The following GBF1 variants were observed in gnomAD, a reference collection of about 807,000 sequenced individuals.
GBF1 encodes golgi brefeldin A resistant guanine nucleotide exchange factor 1.
A neutral mutation model predicts 210.5 loss-of-function variants in GBF1; 114 were observed. That is an observed-to-expected ratio of 0.54 (90% CI 0.47 to 0.63). The LOEUF (loss-of-function observed/expected upper bound fraction) is 0.63, where lower values mean the gene tolerates loss of function less well. Among genes scored for constraint, GBF1 ranks in the 30% least tolerant of loss-of-function variants. GBF1 has a pLI of 0.00. For synonymous variants in GBF1, 850 were observed against 889.2 expected, an observed-to-expected ratio of 0.96 and a Z score of 0.78; for missense variants, 1,851 against 2,357.7, an observed-to-expected ratio of 0.79 and a Z score of 4.45.
At chr10:102,291,161 C>T (rs2076401195) in intron 3 of GBF1, among the ~76,000 whole-genome samples, 1 of 151,760 alleles carries the variant, frequency 6.6e-6, no homozygotes, top group African/African-American at 2.4e-5. Context: ...TTACTATGAG[C>T]TATTCACTGC....
At chr10:102,231,093 G>C in the GBF1 span, 1 of 1,554,220 alleles carries the variant, frequency 6.4e-7, no homozygotes, top group Non-Finnish European at 8.7e-7. Context: ...GCCGGTTCTT[G>C]AACCACACCT....
In GBF1 at chr10:102,280,130, AAGAG is replaced by A. The variant is rs57985048; in HGVS notation, c.163+20034_163+20037del. 2.1e-3 allele frequency among the ~76,000 whole-genome samples: 310 copies of A among 150,112 alleles called. 1 individual carries two copies. The highest frequency in any genetic ancestry group is 3.6e-3 in the African/African-American group (146 of 40,930). ...CAGAGGAGTCCCTGTCTTAAAAAAA[AAGAG>A]AGAGAGAGAGAGAGAGAGAAATAAG... On this transcript the variant is annotated intron_variant, in intron 3 of 39. Coordinates refer to ENST00000369983, the MANE Select transcript of GBF1 (RefSeq NM_001377137.1).
intron 17 of GBF1, among the ~76,000 whole-genome samples, chr10:102,364,587 G>T (rs574383143): frequency 2.0e-5 from 3 of 150,754 alleles, no homozygotes; most frequent in Non-Finnish European, 4.4e-5. Flanking sequence ...AGTGGCTCAC[G>T]CCTGTAATCC....
intron 3 of GBF1, among the ~76,000 whole-genome samples, chr10:102,311,542 A>G (rs777372196): frequency 2.6e-5 from 4 of 152,216 alleles, no homozygotes; most frequent in Non-Finnish European, 5.9e-5. Flanking sequence ...TTGTCTTTTG[A>G]GAAGCAAGGC....
intron 3 of GBF1, among the ~76,000 whole-genome samples, chr10:102,333,781 A>G (rs960453628): frequency 1.3e-5 from 2 of 152,132 alleles, no homozygotes; most frequent in Non-Finnish European, 2.9e-5. Flanking sequence ...GCTTCTTCCT[A>G]CGGAGCTTAC....
Position 102,351,300 on chromosome 10 carries a change from G to C in GBF1, c.340G>C (p.Asp114His). The change falls in exon 5 of 40, where the codon GAT becomes CAT. Residue 114 changes from aspartate (D) to histidine (H), a missense_variant. Asp to His is a moderately conservative substitution (Grantham distance 81). Around this residue, in one of 3 missense-constraint regions of GBF1, gnomAD observed 804 missense variants for 958.6 expected, o/e 0.84. Coordinates refer to ENST00000369983, the MANE Select transcript of GBF1 (RefSeq NM_001377137.1). ...AGCAGAGGGCATGGAGAACATGGCA[G>C]ATGCTGTCACCCATGCTCGTTTTGT... ...GTAEGMENMA[D>H]AVTHARFVGT... The C allele has an allele frequency of 6.2e-7, 1 of 1,611,606 alleles. No individual in the cohort carries two copies. The highest frequency in any genetic ancestry group is 2.2e-5 in the East Asian group (1 of 44,878).
chr10:102,269,515 T>G (rs1284332592), intron 3 of GBF1, among the ~76,000 whole-genome samples: 2 of 152,112 alleles, frequency 1.3e-5, no homozygotes, highest in African/African-American at 4.8e-5. Flanking sequence ...TCAAAAGCAC[T>G]TCAGTGTTAT....
chr10:102,310,675 A>C (rs757476343), intron 3 of GBF1, among the ~76,000 whole-genome samples: 7 of 152,194 alleles, frequency 4.6e-5, no homozygotes, highest in African/African-American at 1.2e-4. Flanking sequence ...CCCCCAAGCC[A>C]CATTTGAGCA....
rs2060787862 is a variant in GBF1, at chr10:102,380,670, G to A, written c.5157G>A (p.Lys1719=). 2 of 1,611,310 alleles carry A rather than the reference G, an allele frequency of 1.2e-6. No individual in the cohort carries two copies. Among genetic ancestry groups the A allele is most frequent in the Non-Finnish European group, 1.7e-6 (2 of 1,178,426 alleles). ...FLPHLRDELF[K]QTVIQDPMPM... ...CTCACCTACGAGATGAACTCTTCAA[G>A]CAGACCGTCATCCAGGGTAGGGGGC... is the stretch of plus-strand genomic sequence containing the variant. Residue 1719 remains lysine (K), a synonymous_variant, in exon 38 of 40, where the codon AAG becomes AAA. Transcript: ENST00000369983.
chr10:102,263,385 T>G (rs1275584377), intron 3 of GBF1, among the ~76,000 whole-genome samples: 2 of 152,172 alleles, frequency 1.3e-5, no homozygotes, highest in African/African-American at 2.4e-5. Flanking sequence ...ATAGCAGGAA[T>G]TCTAGGACTT....
chr10:102,262,428 T>C (rs1322101009), intron 3 of GBF1, among the ~76,000 whole-genome samples: 2 of 152,236 alleles, frequency 1.3e-5, no homozygotes, highest in South Asian at 2.1e-4. Context: ...TCTTTTTGTT[T>C]GGTTTTGAAT....
At chr10:102,274,784 T>C (rs1442878732) in intron 3 of GBF1, among the ~76,000 whole-genome samples, 1 of 138,452 alleles carries the variant, frequency 7.2e-6, no homozygotes, top group Admixed American at 7.9e-5. Context: ...TGATCTTTGC[T>C]CACTGCAACC....
intron 29 of GBF1, among the ~76,000 whole-genome samples, chr10:102,374,414 G>C (rs1265553347): frequency 6.6e-6 from 1 of 152,060 alleles, no homozygotes; most frequent in Non-Finnish European, 1.5e-5. Context: ...GAGGAGGTGG[G>C]TGTGGTTATA....
In GBF1 at chr10:102,381,221, G is replaced by A. The variant is rs376650007; in HGVS notation, c.5268G>A (p.Pro1756=). The change falls in exon 39 of 40, where the codon CCG becomes CCA. Residue 1756 remains proline (P), a synonymous_variant. Coordinates refer to ENST00000369983, the MANE Select transcript of GBF1 (RefSeq NM_001377137.1). ...AGDTRTPGHP[P]PPEIPSELGA... ...ACACTAGGACACCTGGCCATCCACCGCCCCCAGAGATTCCATCTGAGCTGG... is the reference window on the plus strand; with the variant it reads ...ACACTAGGACACCTGGCCATCCACCACCCCCAGAGATTCCATCTGAGCTGG... The A allele has an allele frequency of 5.0e-5, 80 of 1,613,660 alleles. No homozygotes were observed. The African/African-American group carries it at 8.4e-4, about 17-fold the overall frequency.
At chr10:102,278,668 A>C (rs976654291) in intron 3 of GBF1, among the ~76,000 whole-genome samples, 11 of 152,210 alleles carry the variant, frequency 7.2e-5, no homozygotes, top group Admixed American at 7.2e-4. Flanking sequence ...TTGGAAATAT[A>C]CAGCAAATTA....
intron 29 of GBF1, among the ~76,000 whole-genome samples, chr10:102,374,123 GT>G (rs1403259449): frequency 6.6e-6 from 1 of 152,190 alleles, no homozygotes; most frequent in African/African-American, 2.4e-5. Flanking sequence ...ACTGAGGCTG[GT>G]GAATCACTTG....
upstream of GBF1, among the ~76,000 whole-genome samples, chr10:102,243,640 A>G (rs1445816748): frequency 6.6e-6 from 1 of 152,206 alleles, no homozygotes; most frequent in Non-Finnish European, 1.5e-5. Flanking sequence ...ACCAACTCTC[A>G]GTTTTCAAAT....
chr10:102,236,932 C>T, the GBF1 span, among the ~76,000 whole-genome samples: 4 of 152,124 alleles, frequency 2.6e-5, no homozygotes, highest in African/African-American at 9.7e-5. Context: ...TCATTAGGGA[C>T]GCTGAGCACC....
intron 3 of GBF1, among the ~76,000 whole-genome samples, chr10:102,271,465 G>T (rs1482501717): frequency 6.6e-6 from 1 of 151,474 alleles, no homozygotes; most frequent in South Asian, 2.1e-4. Context: ...GATTACAGGT[G>T]TGAGCCACTG....
Sources: allele counts gnomAD v4.1 joint callset (sites outside exome capture counted in the v4.1 genomes callset), GRCh38; gene constraint gnomAD v4.1.1; regional missense constraint gnomAD v4.1.1; transcripts MANE v1.5; gene names NCBI Gene and HGNC (gene_info 2026-07-23, HGNC 2026-07-21).